PASD1: variants seen among roughly 807,000 people sequenced by gnomAD.
PASD1 encodes circadian clock protein PASD1.
Under a neutral mutation model 58.8 loss-of-function variants are expected in PASD1, and 13 were observed. That is an observed-to-expected ratio of 0.22 (90% CI 0.14 to 0.35). The LOEUF (loss-of-function observed/expected upper bound fraction) is 0.35. Among genes scored for constraint, PASD1 ranks in the 10% least tolerant of loss-of-function variants. The pLI is 1.00. For missense variants in PASD1, 734 were observed against 568.3 expected (o/e 1.29, Z -2.96); for synonymous variants, 236 against 216.7 (o/e 1.09, Z -0.78).
intron 6 of PASD1, 85 bp from the exon 7 acceptor site, chrX:151,622,852 A>G (rs1237914089): frequency 2.0e-6 from 2 of 1,002,724 alleles, no homozygotes; most frequent in Non-Finnish European, 2.7e-6. Flanking sequence ...TGGGTTAGCA[A>G]ACAGCACATG....
At chrX:151,653,868 C>CTCCCTCCTTCTT (rs1556202852) in intron 9 of PASD1, among the ~76,000 whole-genome samples, 1 of 16,462 alleles carries the variant, frequency 6.1e-5, no homozygotes, top group African/African-American at 2.2e-4. Context: ...CCCTCCCTCC[C>CTCCCTCCTTCTT]TCTTTCTTTC....
chrX:151,621,162 T>C, intron 5 of PASD1, 133 bp downstream of exon 5: 4 of 416,615 alleles, frequency 9.6e-6, no homozygotes, highest in Non-Finnish European at 1.6e-5. Flanking sequence ...TTTTATATAA[T>C]ATTACAAACT....
intron 1 of PASD1, among the ~76,000 whole-genome samples, chrX:151,581,749 AGGAG>A (rs2013097689): frequency 9.0e-6 from 1 of 110,502 alleles, no homozygotes; most frequent in African/African-American, 3.3e-5. Flanking sequence ...ATGATGAAAA[AGGAG>A]AGAGGAAAAG....
intron 8 of PASD1, among the ~76,000 whole-genome samples, chrX:151,628,630 C>G (rs1207127589): frequency 2.7e-5 from 3 of 111,664 alleles, no homozygotes; most frequent in Non-Finnish European, 5.6e-5. Flanking sequence ...AGCATGATGC[C>G]TCCAGCTTTG....
intron 1 of PASD1, among the ~76,000 whole-genome samples, chrX:151,575,009 T>C (rs1204951048): frequency 1.8e-5 from 2 of 111,311 alleles, no homozygotes; most frequent in Non-Finnish European, 1.9e-5. Context: ...AGTTTTTACA[T>C]TGCAGAAAAA....
In PASD1 at chrX:151,672,438, C is replaced by A. The variant is rs758310140; in HGVS notation, c.1693C>A (p.Gln565Lys). The A allele has an allele frequency of 8.3e-7, 1 of 1,211,717 alleles. No individual in the cohort carries two copies. The highest frequency in any genetic ancestry group is 1.1e-6 in the Non-Finnish European group (1 of 895,516). Residue 565 changes from glutamine to lysine, a missense_variant, in exon 14 of 16, where the codon CAG becomes AAG. Transcript: ENST00000370357. ...AGAGCCAGAGGAGGAGCAGCAGAAG[C>A]AGCAGCTGCAAGAGCAGCCACTGAA... is the stretch of plus-strand genomic sequence containing the variant. ...QKEPEEEQQK[Q>K]QLQEQPLKHN... is the part of the protein sequence containing the mutation.
At position 151,600,257 on chromosome X, in the gene PASD1, A is replaced by G. The variant is rs187102202; in HGVS notation, c.-27-1270A>G. On this transcript the variant is annotated intron_variant, in intron 1 of 15. Transcript: ENST00000370357. Reference sequence around the variant, plus strand: ...TCGGCATCAGAGGGAGACCGTGCAAAGAGAGAGACGAGGGAGAGGGAGAGG... The same window carrying G: ...TCGGCATCAGAGGGAGACCGTGCAAGGAGAGAGACGAGGGAGAGGGAGAGG... Among the ~76,000 whole-genome samples, 6 of 107,684 alleles carry G rather than the reference A, an allele frequency of 5.6e-5. No homozygotes were observed. The East Asian group carries it at 1.8e-3, about 32-fold the overall frequency. 93.5% of individuals were successfully genotyped at this position (107,684 alleles called of 115,157 possible).
At chrX:151,669,384 A>T (rs1464878228) in intron 11 of PASD1, among the ~76,000 whole-genome samples, 2 of 110,156 alleles carry the variant, frequency 1.8e-5, no homozygotes, top group African/African-American at 6.6e-5. Context: ...CACTTCAAAT[A>T]TTTGTTTTTT....
chrX:151,653,797 TCTTTCC>T (rs2014180061), intron 9 of PASD1, among the ~76,000 whole-genome samples: 1 of 17,554 alleles, frequency 5.7e-5, no homozygotes, highest in Non-Finnish European at 1.3e-4. Context: ...TTTCTTTCTT[TCTTTCC>T]TTCCTTCCTT....
intron 9 of PASD1, among the ~76,000 whole-genome samples, chrX:151,652,171 C>A (rs1012034235): frequency 1.8e-5 from 2 of 111,516 alleles, no homozygotes; most frequent in African/African-American, 3.3e-5. Context: ...GAGGAACTTA[C>A]ATTCCAACAG....
chrX:151,620,615 C>T (rs2013693467), intron 4 of PASD1, among the ~76,000 whole-genome samples: 1 of 110,690 alleles, frequency 9.0e-6, no homozygotes, highest in South Asian at 3.9e-4. Context: ...GGTTTTTCTT[C>T]ATTTACATTC....
At chrX:151,659,920 T>C in intron 10 of PASD1, 84 bp downstream of exon 10, 1 of 929,655 alleles carries the variant, frequency 1.1e-6, no homozygotes, top group Non-Finnish European at 1.5e-6. Flanking sequence ...CAAATGAATA[T>C]AATGCTCTAT....
chrX:151,588,960 A>G lies in PASD1; in HGVS notation c.-27-12567A>G, dbSNP rs778730025. 2.7e-5 allele frequency among the ~76,000 whole-genome samples: 3 copies of G among 111,136 alleles called. No homozygotes were observed. In the East Asian group the frequency reaches 8.5e-4, roughly 31 times the overall value. ...ACTTGGCTTCTCTACTTTTTTTCTCAGTGAGCTTTCCCCACATCCCTGCCC... is the reference window on the plus strand; with the variant it reads ...ACTTGGCTTCTCTACTTTTTTTCTCGGTGAGCTTTCCCCACATCCCTGCCC... On this transcript the variant is annotated intron_variant, in intron 1 of 15. Transcript: ENST00000370357.
At chrX:151,623,806 C>T (rs1045335132) in intron 7 of PASD1, among the ~76,000 whole-genome samples, 3 of 111,259 alleles carry the variant, frequency 2.7e-5, no homozygotes, top group African/African-American at 6.5e-5. Context: ...AGGAAGGCAA[C>T]GCAGGTAGAT....
intron 1 of PASD1, among the ~76,000 whole-genome samples, chrX:151,582,530 C>T (rs1222373971): frequency 2.7e-5 from 3 of 111,068 alleles, no homozygotes; most frequent in African/African-American, 9.8e-5. Context: ...AACAAACACC[C>T]AAAGGGGCTT....
intron 4 of PASD1, among the ~76,000 whole-genome samples, chrX:151,614,901 A>G (rs1046056084): frequency 1.8e-5 from 2 of 112,205 alleles, no homozygotes; most frequent in African/African-American, 6.5e-5. Context: ...TCATTTTTTA[A>G]AAAAACAGTT....
chrX:151,623,149 C>G, intron 7 of PASD1, 85 bp downstream of exon 7: 1 of 1,061,639 alleles, frequency 9.4e-7, no homozygotes, highest in East Asian at 3.1e-5. Context: ...CTGTCAGCCA[C>G]TGGACAACAT....
intron 2 of PASD1, among the ~76,000 whole-genome samples, chrX:151,603,791 C>T (rs968329530): frequency 2.7e-5 from 3 of 111,802 alleles, no homozygotes; most frequent in African/African-American, 9.7e-5. Context: ...CAACTCTACT[C>T]CTAGGAAAGA....
chrX:151,564,338 TG>T (rs2012795300), intron 1 of PASD1, among the ~76,000 whole-genome samples: 1 of 111,865 alleles, frequency 8.9e-6, no homozygotes, highest in Non-Finnish European at 1.9e-5. Context: ...TTCAGCAGAT[TG>T]AGCAGTTTGT....
Sources: allele counts gnomAD v4.1 joint callset (sites outside exome capture counted in the v4.1 genomes callset), GRCh38; gene constraint gnomAD v4.1.1; transcripts MANE v1.5; gene names NCBI Gene and HGNC (gene_info 2026-07-23, HGNC 2026-07-21).